The following PCDH11X variants were observed in gnomAD, a reference collection of about 807,000 sequenced individuals.
PCDH11X encodes the protein protocadherin 11 X-linked.
Under a neutral mutation model 53.3 loss-of-function variants are expected in PCDH11X, and 18 were observed. The ratio of observed to expected loss-of-function variants is 0.34; its 90% confidence interval spans 0.23 to 0.50. The LOEUF (loss-of-function observed/expected upper bound fraction) is 0.50. Ranked by LOEUF, PCDH11X falls within the 20% of genes least tolerant of loss-of-function variation. The pLI is 0.98. For missense variants in PCDH11X, 570 were observed against 1,032.4 expected, an observed-to-expected ratio of 0.55 and a Z score of 6.14; for synonymous variants, 279 against 393.3, an observed-to-expected ratio of 0.71 and a Z score of 3.44.
chrX:92,237,754 G>T (rs1309601489), intron 7 of PCDH11X, among the ~76,000 whole-genome samples: 1 of 111,278 alleles, frequency 9.0e-6, no homozygotes, highest in East Asian at 2.8e-4. Context: ...TTTTGTTGTG[G>T]TTGTTTCCCT....
intron 9 of PCDH11X, among the ~76,000 whole-genome samples, chrX:92,429,443 C>A (rs1323128256): frequency 9.1e-6 from 1 of 109,785 alleles, no homozygotes; most frequent in East Asian, 2.9e-4. Flanking sequence ...ACATACCCTT[C>A]AGGAATTAAA....
intron 8 of PCDH11X, among the ~76,000 whole-genome samples, chrX:92,356,601 T>C (rs2148533996): frequency 1.3e-5 from 1 of 77,943 alleles, no homozygotes; most frequent in Non-Finnish European, 2.6e-5. Context: ...TGGGACTGCC[T>C]CTTATAAGTA....
chrX:92,594,227 A>AAAC (rs1925329285), intron 10 of PCDH11X, among the ~76,000 whole-genome samples: 2 of 107,786 alleles, frequency 1.9e-5, no homozygotes, highest in Non-Finnish European at 3.8e-5. Flanking sequence ...TGTAATATCA[A>AAAC]GTGTTTAAAC....
At chrX:92,130,634 G>A in intron 6 of PCDH11X, among the ~76,000 whole-genome samples, 1 of 90,472 alleles carries the variant, frequency 1.1e-5, no homozygotes, top group East Asian at 3.6e-4. Flanking sequence ...TGGGCAACAA[G>A]AGTGAAACTC....
chrX:92,052,621 CACAA>C (rs1440829914), intron 6 of PCDH11X, among the ~76,000 whole-genome samples: 1 of 69,046 alleles, frequency 1.4e-5, no homozygotes, highest in Middle Eastern at 6.3e-3. Flanking sequence ...ACCTTGCAGA[CACAA>C]ACATTCTATA....
At chrX:92,422,524 G>C (rs750792608) in intron 9 of PCDH11X, among the ~76,000 whole-genome samples, 180 of 110,976 alleles carry the variant, frequency 1.6e-3, no homozygotes, top group African/African-American at 5.9e-3. Flanking sequence ...GTATTCCATG[G>C]TATAAAACAC....
intron 8 of PCDH11X, among the ~76,000 whole-genome samples, chrX:92,267,635 G>A (rs1340998306): frequency 8.9e-6 from 1 of 112,302 alleles, no homozygotes; most frequent in Non-Finnish European, 1.9e-5. Context: ...CGTGTTTGGA[G>A]GTTCCTGCTT....
At chrX:92,173,034 T>C (rs1198610978) in intron 6 of PCDH11X, among the ~76,000 whole-genome samples, 1 of 112,242 alleles carries the variant, frequency 8.9e-6, no homozygotes, top group African/African-American at 3.2e-5. Flanking sequence ...TTCCATTGTT[T>C]TAATCTTCTA....
chrX:92,075,891 C>T (rs2063765618), intron 6 of PCDH11X, among the ~76,000 whole-genome samples: 1 of 110,481 alleles, frequency 9.1e-6, no homozygotes, highest in African/African-American at 3.3e-5. Flanking sequence ...CAAATCCTGC[C>T]TCAAATATGT....
chrX:92,349,454 C>A (rs1324378218), intron 8 of PCDH11X, among the ~76,000 whole-genome samples: 1 of 101,064 alleles, frequency 9.9e-6, no homozygotes, highest in African/African-American at 3.8e-5. Context: ...CTCAATCAAG[C>A]TGCCACAACC....
intron 7 of PCDH11X, among the ~76,000 whole-genome samples, chrX:92,242,243 G>C (rs763770995): frequency 3.6e-5 from 4 of 111,128 alleles, no homozygotes; most frequent in Non-Finnish European, 7.5e-5. Flanking sequence ...TTATAATTTT[G>C]GGATTTTAAG....
intron 9 of PCDH11X, among the ~76,000 whole-genome samples, chrX:92,445,716 A>C (rs1182897540): frequency 9.2e-6 from 1 of 109,111 alleles, no homozygotes; most frequent in Non-Finnish European, 1.9e-5. Flanking sequence ...TTTTCACTAG[A>C]TATAGGAGAG....
At chrX:91,885,676 G>C (rs1434248255) in intron 6 of PCDH11X, among the ~76,000 whole-genome samples, 1 of 111,351 alleles carries the variant, frequency 9.0e-6, no homozygotes, top group East Asian at 2.8e-4. Context: ...TAACTGTAAT[G>C]AGTAAAGGTC....
chrX:92,170,884 C>G (rs1443264944), intron 6 of PCDH11X, among the ~76,000 whole-genome samples: 9 of 87,691 alleles, frequency 1.0e-4, no homozygotes, highest in Non-Finnish European at 1.2e-4. Context: ...CTCTCCCTCC[C>G]GAGTTCAAGC....
chrX:91,786,432 T>C (rs1935336526), intron 1 of PCDH11X, among the ~76,000 whole-genome samples: 1 of 98,373 alleles, frequency 1.0e-5, no homozygotes, highest in South Asian at 5.1e-4. Context: ...AATTTGCTGA[T>C]GGATTTTAAT....
intron 9 of PCDH11X, among the ~76,000 whole-genome samples, chrX:92,444,419 C>T (rs1350037572): frequency 1.0e-5 from 1 of 98,590 alleles, no homozygotes; most frequent in East Asian, 3.2e-4. Context: ...TTTATCAGTT[C>T]CAGGAACTTT....
intron 10 of PCDH11X, among the ~76,000 whole-genome samples, chrX:92,580,001 C>A: frequency 9.4e-6 from 1 of 106,885 alleles, no homozygotes; most frequent in Admixed American, 9.9e-5. Context: ...TTCTGTAGGG[C>A]TGTTGCGATT....
intron 10 of PCDH11X, among the ~76,000 whole-genome samples, chrX:92,503,770 T>C: frequency 9.0e-6 from 1 of 111,180 alleles, no homozygotes; most frequent in Non-Finnish European, 1.9e-5. Context: ...GATGCCGGGC[T>C]TAATATCTGG....
intron 6 of PCDH11X, among the ~76,000 whole-genome samples, chrX:91,892,898 C>A (rs1299921358): frequency 9.1e-6 from 1 of 109,987 alleles, no homozygotes; most frequent in Non-Finnish European, 1.9e-5. Context: ...GTGATCCGCC[C>A]GCCTCATTCT....
Sources: allele counts gnomAD v4.1 joint callset (sites outside exome capture counted in the v4.1 genomes callset), GRCh38; gene constraint gnomAD v4.1.1; transcripts MANE v1.5; gene names NCBI Gene and HGNC (gene_info 2026-07-23, HGNC 2026-07-21).